The following LHFPL3 variants were observed in gnomAD, a reference collection of about 807,000 sequenced individuals.
LHFPL3 encodes the protein LHFPL tetraspan subfamily member 3 protein.
Under a neutral mutation model 19.3 loss-of-function variants are expected in LHFPL3, and 5 were observed. That is an observed-to-expected ratio of 0.26 (90% confidence interval 0.14 to 0.54). The LOEUF is 0.54. LHFPL3 is among the 20% of genes least tolerant of loss of function. The pLI is 0.94. For synonymous variants in LHFPL3, 133 were observed against 126.2 expected (o/e 1.05, Z -0.36); for missense variants, 249 against 307.4 (o/e 0.81, Z 1.42).
At chr7:104,809,138 C>G (rs896311820) in intron 2 of LHFPL3, among the ~76,000 whole-genome samples, 3 of 152,136 alleles carry the variant, frequency 2.0e-5, no homozygotes, top group Admixed American at 2.0e-4. Flanking sequence ...CAAGTGATCG[C>G]CCACCTTGGC....
chr7:104,468,389 C>G (rs918290044), intron 1 of LHFPL3, among the ~76,000 whole-genome samples: 4 of 152,202 alleles, frequency 2.6e-5, no homozygotes, highest in African/African-American at 4.8e-5. Context: ...GAAGCCAGTG[C>G]CAATAGCCAG....
At chr7:104,379,148 C>G (rs983749763) in intron 1 of LHFPL3, among the ~76,000 whole-genome samples, 4 of 152,224 alleles carry the variant, frequency 2.6e-5, no homozygotes, top group Non-Finnish European at 4.4e-5. Flanking sequence ...AAGATACAGA[C>G]TTCGCTGTTT....
intron 1 of LHFPL3, among the ~76,000 whole-genome samples, chr7:104,704,480 T>C (rs1793152466): frequency 6.6e-6 from 1 of 152,068 alleles, no homozygotes; most frequent in Non-Finnish European, 1.5e-5. Flanking sequence ...TGGTCTTCTA[T>C]ATTTTAAAAT....
At chr7:104,337,183 A>AAACAAC (rs573646627) in intron 1 of LHFPL3, among the ~76,000 whole-genome samples, 1 of 152,004 alleles carries the variant, frequency 6.6e-6, no homozygotes, top group Non-Finnish European at 1.5e-5. Flanking sequence ...TAAAACAAAC[A>AAACAAC]AACAACAACA....
chr7:104,668,352 C>A, intron 1 of LHFPL3: 3 of 1,593,424 alleles, frequency 1.9e-6, no homozygotes, highest in Non-Finnish European at 2.6e-6. Context: ...CTGGAGGGCT[C>A]GTCCTGCTAC....
intron 1 of LHFPL3, among the ~76,000 whole-genome samples, chr7:104,629,883 T>G (rs1791610468): frequency 6.6e-6 from 1 of 152,144 alleles, no homozygotes. Flanking sequence ...ACCAACCATG[T>G]GCATTTTTTA....
At chr7:104,651,288 T>A (rs1792030332) in intron 1 of LHFPL3, among the ~76,000 whole-genome samples, 1 of 152,234 alleles carries the variant, frequency 6.6e-6, no homozygotes, top group Non-Finnish European at 1.5e-5. Context: ...GAACAAAGGC[T>A]TGATTGTCTG....
At chr7:104,456,344 A>G (rs922982323) in intron 1 of LHFPL3, among the ~76,000 whole-genome samples, 8 of 152,176 alleles carry the variant, frequency 5.3e-5, no homozygotes, top group Admixed American at 3.9e-4. Flanking sequence ...TTACTGATAT[A>G]TAACTTTTAA....
At chr7:104,822,642 A>T (rs1369292668) in intron 2 of LHFPL3, among the ~76,000 whole-genome samples, 1 of 152,174 alleles carries the variant, frequency 6.6e-6, no homozygotes, top group African/African-American at 2.4e-5. Flanking sequence ...AGGAAGGAAT[A>T]GTTTTTCTTA....
intron 2 of LHFPL3, among the ~76,000 whole-genome samples, chr7:104,745,561 C>G (rs1032002704): frequency 6.6e-6 from 1 of 152,180 alleles, no homozygotes; most frequent in African/African-American, 2.4e-5. Flanking sequence ...GAAAAACTGA[C>G]AAATTATTCA....
At chr7:104,744,107 C>T (rs999849901) in intron 2 of LHFPL3, 2 of 152,028 alleles carry the variant, frequency 1.3e-5, no homozygotes, top group Non-Finnish European at 2.9e-5. Flanking sequence ...TTGCCTCAGC[C>T]TTCCAAAGTG....
chr7:104,897,347 G>A lies in LHFPL3; in HGVS notation c.683-8840G>A, dbSNP rs138776844. On this transcript the variant is annotated intron_variant, in intron 2 of 2. Transcript: ENST00000424859. ...GATCTTGGGTATAAATTGCCTTCTG[G>A]ACTCTGCAGTCCGCTTCCCTTTGGT... Among the ~76,000 whole-genome samples the A allele has an allele frequency of 4.8e-3, 731 of 152,242 alleles. 6 individuals carry two copies. The highest frequency in any genetic ancestry group is 7.7e-3 in the Non-Finnish European group (523 of 68,012).
At chr7:104,512,109 CA>C (rs978163596) in intron 1 of LHFPL3, among the ~76,000 whole-genome samples, 3 of 151,698 alleles carry the variant, frequency 2.0e-5, no homozygotes, top group Non-Finnish European at 4.4e-5. Context: ...CACGCTCCAC[CA>C]CACTCAGCTA....
chr7:104,748,620 C>T (rs1794095432), intron 2 of LHFPL3, among the ~76,000 whole-genome samples: 1 of 150,404 alleles, frequency 6.6e-6, no homozygotes, highest in South Asian at 2.2e-4. Flanking sequence ...GATGCAAAGA[C>T]CTTTGTTCAC....
At chr7:104,829,608 G>A (rs1488379636) in intron 2 of LHFPL3, among the ~76,000 whole-genome samples, 1 of 151,506 alleles carries the variant, frequency 6.6e-6, no homozygotes, top group Non-Finnish European at 1.5e-5. Context: ...GCAATAGTTT[G>A]CTGAGAATGA....
rs561491979 is a variant in LHFPL3 at position 104,570,531 on chromosome 7, A to G, written c.446-166144A>G. Among the ~76,000 whole-genome samples the G allele has an allele frequency of 3.9e-5, 6 of 152,256 alleles. No individual in the cohort carries two copies. The South Asian group carries it at 1.0e-3, about 26-fold the overall frequency. ...GTCATAACGCAAAAATAATGGAGCA[A>G]TTTTCTTGAACTTCAGTTTCCCTGA... On this transcript the variant is annotated intron_variant, in intron 1 of 2. Coordinates refer to ENST00000424859, the MANE Select transcript of LHFPL3 (RefSeq NM_199000.3).
At chr7:104,621,925 A>G (rs1241132420) in intron 1 of LHFPL3, among the ~76,000 whole-genome samples, 1 of 152,108 alleles carries the variant, frequency 6.6e-6, no homozygotes, top group Non-Finnish European at 1.5e-5. Context: ...TACTGACACA[A>G]AAATTATCTC....
intron 1 of LHFPL3, among the ~76,000 whole-genome samples, chr7:104,365,802 A>AG (rs1554381882): frequency 4.1e-5 from 6 of 146,108 alleles, no homozygotes; most frequent in Non-Finnish European, 9.2e-5. Context: ...AAAAAAAAAA[A>AG]AAAGAAAAGC....
In LHFPL3 at chr7:104,584,390, A is replaced by G. The variant is rs1340838405; in HGVS notation, c.446-152285A>G. ...GACTTAATGGGTGCAGCACACCAACATGGCACATGTATACATATGTAACAA... is the reference window on the plus strand; with the variant it reads ...GACTTAATGGGTGCAGCACACCAACGTGGCACATGTATACATATGTAACAA... On this transcript the variant is annotated intron_variant, in intron 1 of 2. Transcript: ENST00000424859. Among the ~76,000 whole-genome samples, 7 of 152,286 alleles carry G rather than the reference A, an allele frequency of 4.6e-5. No individual in the cohort carries two copies. The East Asian group carries it at 1.3e-3, about 29-fold the overall frequency.
Sources: gnomAD v4.1 joint callset for allele counts (sites outside exome capture counted in the v4.1 genomes callset) on GRCh38, gnomAD v4.1.1 for gene constraint, MANE v1.5 for transcripts, NCBI Gene and HGNC (gene_info 2026-07-23, HGNC 2026-07-21) for gene names.